Variants in PDGFD observed in about 807,000 individuals in gnomAD.
The protein encoded by PDGFD is platelet derived growth factor D.
In PDGFD, 30 loss-of-function variants were observed where a neutral mutation model predicts 44.7. The observed-to-expected ratio is 0.67, with a 90% CI of 0.50 to 0.91. The LOEUF is 0.91. Ranked by LOEUF, PDGFD falls within the 40% of genes least tolerant of loss-of-function variation. PDGFD has a pLI of 0.00. For synonymous variants in PDGFD, 173 were observed against 168.4 expected, an observed-to-expected ratio of 1.03 and a Z score of -0.21; for missense variants, 445 against 457.8, an observed-to-expected ratio of 0.97 and a Z score of 0.25.
chr11:103,943,975 G>A lies in PDGFD; in HGVS notation c.574-325C>T, dbSNP rs191107972. 1.4e-4 allele frequency among the ~76,000 whole-genome samples: 22 copies of A among 152,136 alleles called. No individual in the cohort carries two copies. In the East Asian group the frequency reaches 3.9e-3, roughly 27 times the overall value. On this transcript the variant is annotated intron_variant, in intron 4 of 6. Coordinates refer to ENST00000393158, the MANE Select transcript of PDGFD (RefSeq NM_025208.5). ...AAGTTATCCAGTTTCTTGGTTCATG[G>A]TCCCAAATCATCCACATAACAACAA...
intron 1 of PDGFD, among the ~76,000 whole-genome samples, chr11:104,066,456 G>C (rs1382586225): frequency 6.6e-6 from 1 of 152,098 alleles, no homozygotes; most frequent in Non-Finnish European, 1.5e-5. Context: ...AATCTGAAAA[G>C]TGGGAACTCG....
intron 2 of PDGFD, among the ~76,000 whole-genome samples, chr11:103,999,732 G>T (rs985221942): frequency 6.6e-6 from 1 of 152,166 alleles, no homozygotes; most frequent in East Asian, 1.9e-4. Flanking sequence ...CGTAACCTGG[G>T]ATGCTGGATA....
At chr11:104,012,249 T>C (rs1231078117) in intron 1 of PDGFD, among the ~76,000 whole-genome samples, 1 of 152,150 alleles carries the variant, frequency 6.6e-6, no homozygotes, top group African/African-American at 2.4e-5. Context: ...GCACTGTTGA[T>C]CAAATCATAA....
chr11:103,922,549 C>T (rs922888560), intron 6 of PDGFD, among the ~76,000 whole-genome samples: 5 of 70,006 alleles, frequency 7.1e-5, no homozygotes, highest in Admixed American at 6.1e-4. Context: ...AAGAAGAATT[C>T]CCCCCCGCCT....
At chr11:104,107,426 A>G (rs1443430021) in intron 1 of PDGFD, among the ~76,000 whole-genome samples, 1 of 152,162 alleles carries the variant, frequency 6.6e-6, no homozygotes, top group Non-Finnish European at 1.5e-5. Context: ...CAAGCCACAG[A>G]TGGTGGCAGC....
At chr11:104,122,936 G>T (rs894017299) in intron 1 of PDGFD, among the ~76,000 whole-genome samples, 1 of 151,966 alleles carries the variant, frequency 6.6e-6, no homozygotes, top group Non-Finnish European at 1.5e-5. Flanking sequence ...ATGTAAGGAC[G>T]AGGATTATTG....
intron 6 of PDGFD, among the ~76,000 whole-genome samples, chr11:103,923,943 C>A (rs1858264505): frequency 6.6e-6 from 1 of 152,142 alleles, no homozygotes; most frequent in African/African-American, 2.4e-5. Flanking sequence ...TGTTTCAAAT[C>A]CACTCATGCG....
chr11:104,000,783 C>G (rs554941682), intron 1 of PDGFD, among the ~76,000 whole-genome samples: 2 of 152,248 alleles, frequency 1.3e-5, no homozygotes, highest in African/African-American at 4.8e-5. Flanking sequence ...ATCCTTCCAC[C>G]ACGAAAAATC....
chr11:103,968,560 A>T (rs758839581), intron 3 of PDGFD, among the ~76,000 whole-genome samples: 4 of 152,096 alleles, frequency 2.6e-5, no homozygotes, highest in Admixed American at 6.6e-5. Flanking sequence ...TAATCTCTAA[A>T]TCCTTCAGGT....
chr11:104,137,483 CGT>C (rs999796736), intron 1 of PDGFD, among the ~76,000 whole-genome samples: 3 of 151,880 alleles, frequency 2.0e-5, no homozygotes, highest in African/African-American at 7.2e-5. Context: ...GAAAATTTAT[CGT>C]ATTGTTTCTA....
intron 3 of PDGFD, among the ~76,000 whole-genome samples, chr11:103,989,395 G>A (rs1365663413): frequency 3.9e-5 from 6 of 152,110 alleles, no homozygotes; most frequent in African/African-American, 9.7e-5. Context: ...TTTTCTCTGC[G>A]GCCTAGGCTT....
chr11:103,961,900 T>C (rs959009128), intron 3 of PDGFD, among the ~76,000 whole-genome samples: 2 of 152,210 alleles, frequency 1.3e-5, no homozygotes, highest in Non-Finnish European at 2.9e-5. Flanking sequence ...TGCATTACAC[T>C]AAGTTGTAGG....
intron 1 of PDGFD, among the ~76,000 whole-genome samples, chr11:104,021,402 A>G (rs1044290844): frequency 6.6e-6 from 1 of 152,100 alleles, no homozygotes; most frequent in Admixed American, 6.6e-5. Flanking sequence ...TCTAATGTCA[A>G]CCACTTTATT....
At chr11:104,058,515 G>T (rs916585944) in intron 1 of PDGFD, among the ~76,000 whole-genome samples, 1 of 152,214 alleles carries the variant, frequency 6.6e-6, no homozygotes, top group African/African-American at 2.4e-5. Context: ...AACAGAGAAT[G>T]CTGGTAAAGA....
At chr11:104,118,867 A>T (rs1241661982) in intron 1 of PDGFD, among the ~76,000 whole-genome samples, 1 of 79,634 alleles carries the variant, frequency 1.3e-5, no homozygotes, top group Non-Finnish European at 2.3e-5. Context: ...AATATATTAT[A>T]TATTAATATA....
At chr11:104,144,264 C>A (rs942129454) in intron 1 of PDGFD, among the ~76,000 whole-genome samples, 2 of 151,974 alleles carry the variant, frequency 1.3e-5, no homozygotes, top group African/African-American at 4.8e-5. Context: ...TTTAAAAAGT[C>A]CAGAGGCCGA....
chr11:103,977,667 A>C (rs1274956129), intron 3 of PDGFD, among the ~76,000 whole-genome samples: 1 of 152,072 alleles, frequency 6.6e-6, no homozygotes. Flanking sequence ...AAGATAGATG[A>C]AGTAATGCAT....
At chr11:104,132,433 T>C (rs1255884285) in intron 1 of PDGFD, among the ~76,000 whole-genome samples, 4 of 152,084 alleles carry the variant, frequency 2.6e-5, no homozygotes, top group Non-Finnish European at 1.5e-5. Context: ...GGAAACAAAA[T>C]TCTTAATGAC....
At chr11:104,026,148 G>C (rs1414988071) in intron 1 of PDGFD, among the ~76,000 whole-genome samples, 1 of 152,166 alleles carries the variant, frequency 6.6e-6, no homozygotes, top group South Asian at 2.1e-4. Flanking sequence ...GGAGAGGCTA[G>C]TCTCTGCCCA....
Sources: gnomAD v4.1 joint callset for allele counts (sites outside exome capture counted in the v4.1 genomes callset) on GRCh38, gnomAD v4.1.1 for gene constraint, MANE v1.5 for transcripts, NCBI Gene and HGNC (gene_info 2026-07-23, HGNC 2026-07-21) for gene names.